MCTP2: variants seen among roughly 807,000 people sequenced by gnomAD.
The protein encoded by MCTP2 is multiple C2 and transmembrane domain-containing protein 2.
A neutral mutation model predicts 111.6 loss-of-function variants in MCTP2; 132 were observed. The ratio of observed to expected loss-of-function variants is 1.18; its 90% CI spans 1.03 to 1.37. MCTP2 has a LOEUF of 1.37. Among genes scored for constraint, MCTP2 ranks in the 40% most tolerant of loss-of-function variants. The pLI, the probability that MCTP2 is intolerant of heterozygous loss-of-function variation, is 0.00. For missense variants in MCTP2, 1,183 were observed against 1,067.9 expected (o/e 1.11, Z -1.50); for synonymous variants, 395 against 387.7 (o/e 1.02, Z -0.22).
intron 17 of MCTP2, among the ~76,000 whole-genome samples, chr15:94,435,922 C>T (rs527772400): frequency 1.4e-4 from 22 of 152,176 alleles, no homozygotes; most frequent in African/African-American, 2.6e-4. Context: ...TGAGCCACCG[C>T]GCCCGGCCTA....
chr15:94,238,992 C>T (rs1285279306), intron 1 of MCTP2, among the ~76,000 whole-genome samples: 1 of 120,556 alleles, frequency 8.3e-6, no homozygotes, highest in South Asian at 2.6e-4. Flanking sequence ...ATCCAAGATA[C>T]AATGGAGTTG....
intron 17 of MCTP2, chr15:94,402,369 C>G: frequency 6.8e-7 from 1 of 1,480,124 alleles, no homozygotes; most frequent in African/African-American, 1.4e-5. Flanking sequence ...TAAATAATAA[C>G]TGAATTGTTC....
intron 17 of MCTP2, chr15:94,402,231 G>A: frequency 2.2e-6 from 2 of 921,308 alleles, no homozygotes; most frequent in Non-Finnish European, 2.6e-6. Context: ...GTATATATAT[G>A]TTTAAATGTT....
At chr15:94,477,351 G>A (rs1292710989) in intron 22 of MCTP2, among the ~76,000 whole-genome samples, 3 of 152,210 alleles carry the variant, frequency 2.0e-5, no homozygotes, top group Admixed American at 1.3e-4. Flanking sequence ...TCAATCAGAA[G>A]TATTATTCAC....
At chr15:94,450,648 G>C (rs1030113692) in intron 19 of MCTP2, among the ~76,000 whole-genome samples, 10 of 152,084 alleles carry the variant, frequency 6.6e-5, no homozygotes, top group African/African-American at 2.4e-4. Context: ...AAAGTCTAAA[G>C]GTATATTTTT....
chr15:94,377,787 C>G (rs1240124768), intron 12 of MCTP2, among the ~76,000 whole-genome samples: 1 of 152,028 alleles, frequency 6.6e-6, no homozygotes, highest in Non-Finnish European at 1.5e-5. Flanking sequence ...GGATGCCTGA[C>G]TGCAGATACC....
At chr15:94,336,430 G>T (rs1397411600) in intron 4 of MCTP2, among the ~76,000 whole-genome samples, 1 of 152,164 alleles carries the variant, frequency 6.6e-6, no homozygotes, top group African/African-American at 2.4e-5. Context: ...AGGTGAAGAA[G>T]AGCAGGATCT....
intron 20 of MCTP2, among the ~76,000 whole-genome samples, chr15:94,463,816 C>T (rs2085358962): frequency 6.6e-6 from 1 of 152,030 alleles, no homozygotes; most frequent in African/African-American, 2.4e-5. Flanking sequence ...AACATTTTCA[C>T]CTGCATTCAT....
At chr15:94,451,021 A>G (rs529909649) in intron 19 of MCTP2, among the ~76,000 whole-genome samples, 2 of 152,334 alleles carry the variant, frequency 1.3e-5, no homozygotes, top group South Asian at 2.1e-4. Flanking sequence ...CCCAACGCCA[A>G]CAAGGCCTTA....
intron 1 of MCTP2, among the ~76,000 whole-genome samples, chr15:94,245,419 TGTGTGTATATATTTATATATAC>T (rs1567265274): frequency 2.4e-5 from 2 of 84,562 alleles, no homozygotes; most frequent in Non-Finnish European, 5.3e-5. Flanking sequence ...TTTATATACA[TGTGTGTATATATTTATATATAC>T]ACATATATGT....
chr15:94,430,119 G>A (rs920771160), intron 17 of MCTP2, among the ~76,000 whole-genome samples: 1 of 152,110 alleles, frequency 6.6e-6, no homozygotes, highest in African/African-American at 2.4e-5. Flanking sequence ...TGAAATATGT[G>A]TTGTCTCTTC....
chr15:94,333,993 A>G (rs2077243411), intron 4 of MCTP2, among the ~76,000 whole-genome samples: 1 of 152,242 alleles, frequency 6.6e-6, no homozygotes, highest in South Asian at 2.1e-4. Context: ...TGGCAATAGA[A>G]GAAATACTAT....
intron 17 of MCTP2, among the ~76,000 whole-genome samples, chr15:94,429,804 G>A (rs2083079927): frequency 1.3e-5 from 2 of 152,016 alleles, no homozygotes; most frequent in African/African-American, 4.8e-5. Context: ...ATATATCTAA[G>A]GTTTACTGTG....
chr15:94,448,438 G>A (rs1259684821), intron 19 of MCTP2, among the ~76,000 whole-genome samples: 5 of 152,142 alleles, frequency 3.3e-5, no homozygotes, highest in East Asian at 1.9e-4. Flanking sequence ...CGTCAGAGGC[G>A]CTGATTTTTT....
At chr15:94,405,428 T>G (rs2081852207) in intron 17 of MCTP2, among the ~76,000 whole-genome samples, 1 of 152,208 alleles carries the variant, frequency 6.6e-6, no homozygotes, top group Non-Finnish European at 1.5e-5. Flanking sequence ...TAATCGTATC[T>G]TGTTGAAAGC....
At chr15:94,453,091 C>G (rs967907774) in intron 19 of MCTP2, among the ~76,000 whole-genome samples, 5 of 152,164 alleles carry the variant, frequency 3.3e-5, no homozygotes, top group Non-Finnish European at 7.4e-5. Context: ...TTTTCATTTA[C>G]TAATTATCCT....
chr15:94,263,996 A>G (rs1473671653), intron 1 of MCTP2, among the ~76,000 whole-genome samples: 4 of 152,252 alleles, frequency 2.6e-5, no homozygotes, highest in Admixed American at 2.6e-4. Context: ...TCCTACCTGG[A>G]AGGCCTAGTT....
At chr15:94,244,085 CATATGT>C (rs2071453255) in intron 1 of MCTP2, among the ~76,000 whole-genome samples, 1 of 54,368 alleles carries the variant, frequency 1.8e-5, no homozygotes, top group African/African-American at 6.5e-5. Context: ...TTTATGCACA[CATATGT>C]ATACACATAC....
chr15:94,392,387 A>G (rs2081036930), intron 14 of MCTP2, among the ~76,000 whole-genome samples: 1 of 151,588 alleles, frequency 6.6e-6, no homozygotes, highest in Non-Finnish European at 1.5e-5. Context: ...AAAAAATAGT[A>G]ATAGTAAGGT....
Sources: gnomAD v4.1 joint callset for allele counts (sites outside exome capture counted in the v4.1 genomes callset) on GRCh38, gnomAD v4.1.1 for gene constraint, MANE v1.5 for transcripts, NCBI Gene and HGNC (gene_info 2026-07-23, HGNC 2026-07-21) for gene names.